The following SLC24A2 variants were observed in gnomAD, a reference collection of about 807,000 sequenced individuals.
SLC24A2 encodes the protein sodium/potassium/calcium exchanger 2.
A neutral mutation model predicts 62.0 loss-of-function variants in SLC24A2; 36 were observed. The observed-to-expected ratio is 0.58, with a 90% CI of 0.44 to 0.77. SLC24A2 has a LOEUF of 0.77. SLC24A2 is among the 30% of genes least tolerant of loss of function. The probability of loss-of-function intolerance (pLI) is 0.00; values close to 1 mark genes in which losing one functional copy is unlikely to be tolerated. For missense variants in SLC24A2, 846 were observed against 817.9 expected (o/e 1.03, Z -0.42); for synonymous variants, 358 against 294.0 (o/e 1.22, Z -2.23).
the SLC24A2 span, among the ~76,000 whole-genome samples, chr9:20,220,960 G>A: frequency 7.8e-4 from 118 of 152,150 alleles, no homozygotes; most frequent in African/African-American, 2.7e-3. Flanking sequence ...TTACAAAAAT[G>A]TGCTGAATTC....
chr9:19,625,837 C>T (rs1818020735), intron 2 of SLC24A2, among the ~76,000 whole-genome samples: 1 of 151,982 alleles, frequency 6.6e-6, no homozygotes, highest in Non-Finnish European at 1.5e-5. Context: ...CAGGTGCCCG[C>T]CACCACGCCC....
the SLC24A2 span, among the ~76,000 whole-genome samples, chr9:20,109,966 T>G: frequency 6.6e-6 from 1 of 152,216 alleles, no homozygotes; most frequent in Non-Finnish European, 1.5e-5. Flanking sequence ...TATGCAGTTA[T>G]TGTCTTCTTT....
chr9:19,703,631 G>T (rs1398882769), intron 2 of SLC24A2, among the ~76,000 whole-genome samples: 1 of 152,184 alleles, frequency 6.6e-6, no homozygotes, highest in African/African-American at 2.4e-5. Flanking sequence ...TAAAACTCTT[G>T]TGTTGAAGGG....
At position 19,786,272 on chromosome 9, in the gene SLC24A2, C is replaced by T. The variant is rs139419786; in HGVS notation, c.595G>A (p.Ala199Thr). The T allele has an allele frequency of 1.7e-4, 277 of 1,614,060 alleles. No homozygotes were observed. Among genetic ancestry groups the T allele is most frequent in the South Asian group, 2.1e-4 (19 of 91,080 alleles). ...LFTSLIGVFI[A>T]HSNVGIGTIV... ...GTGCCTATGCCAACGTTGCTGTGAG[C>T]GATAAATACCCCTATGAGAGATGTG... The change falls in exon 2 of 11, where the codon GCT (alanine) becomes ACT (threonine). Residue 199 changes from alanine (A) to threonine (T), a missense_variant. Transcript: ENST00000341998. This position sits in a 1 kb window ranked among gnomAD's most constrained non-coding sequence, Gnocchi z 5.0.
chr9:19,661,758 C>G (rs746448659), intron 2 of SLC24A2, among the ~76,000 whole-genome samples: 3 of 152,194 alleles, frequency 2.0e-5, no homozygotes, highest in Non-Finnish European at 4.4e-5. Flanking sequence ...TCAAAAATGA[C>G]AGATTAGGGA....
chr9:19,555,924 A>G (rs760066577), intron 7 of SLC24A2, among the ~76,000 whole-genome samples: 3 of 152,162 alleles, frequency 2.0e-5, no homozygotes, highest in Admixed American at 6.6e-5. Flanking sequence ...TAGCCTGGCA[A>G]CACAGACTCC....
chr9:20,051,151 C>T, the SLC24A2 span, among the ~76,000 whole-genome samples: 13 of 151,976 alleles, frequency 8.6e-5, no homozygotes, highest in East Asian at 2.5e-3. Context: ...ACAATGAAAA[C>T]AGGGTATCAT....
At chr9:20,173,897 G>T in the SLC24A2 span, among the ~76,000 whole-genome samples, 2 of 151,722 alleles carry the variant, frequency 1.3e-5, no homozygotes, top group Non-Finnish European at 2.9e-5. Flanking sequence ...GCCCAAGTAA[G>T]AATAAGCAAA....
the SLC24A2 span, among the ~76,000 whole-genome samples, chr9:19,919,815 T>A: frequency 6.6e-6 from 1 of 152,054 alleles, no homozygotes; most frequent in Admixed American, 6.5e-5. Context: ...TCGTATCTCA[T>A]GAAAACTCAC....
intron 5 of SLC24A2, among the ~76,000 whole-genome samples, chr9:19,583,070 C>T (rs1345420278): frequency 2.6e-5 from 4 of 152,122 alleles, no homozygotes; most frequent in African/African-American, 9.7e-5. Flanking sequence ...TCTGCAAAAT[C>T]CTGCAGTGGG....
the SLC24A2 span, among the ~76,000 whole-genome samples, chr9:20,195,666 A>G: frequency 6.6e-5 from 10 of 152,100 alleles, no homozygotes; most frequent in Admixed American, 5.9e-4. Flanking sequence ...CAGCCTGCCT[A>G]TGAGTTTGGC....
chr9:19,767,105 C>T (rs112537404), intron 2 of SLC24A2, among the ~76,000 whole-genome samples: 4 of 152,294 alleles, frequency 2.6e-5, no homozygotes, highest in East Asian at 1.9e-4. Flanking sequence ...AGGGAAAAAA[C>T]GCCTACTGAA....
At chr9:19,933,499 C>T in the SLC24A2 span, among the ~76,000 whole-genome samples, 1 of 152,106 alleles carries the variant, frequency 6.6e-6, no homozygotes, top group Non-Finnish European at 1.5e-5. Flanking sequence ...TTCATCCATT[C>T]AATTCATTCA....
At chr9:19,651,025 C>T (rs1045281179) in intron 2 of SLC24A2, among the ~76,000 whole-genome samples, 2 of 152,018 alleles carry the variant, frequency 1.3e-5, no homozygotes, top group African/African-American at 2.4e-5. Flanking sequence ...AAATAATGTG[C>T]CACCTTATAA....
intron 4 of SLC24A2, among the ~76,000 whole-genome samples, chr9:19,607,210 T>A (rs139668578): frequency 2.6e-5 from 4 of 152,328 alleles, no homozygotes; most frequent in African/African-American, 7.2e-5. Flanking sequence ...AAGTGCTTCT[T>A]CACCTTCAGT....
intron 2 of SLC24A2, among the ~76,000 whole-genome samples, chr9:19,677,961 T>C (rs574842135): frequency 6.6e-6 from 1 of 151,252 alleles, no homozygotes; most frequent in Admixed American, 6.6e-5. Context: ...CAGAGCCAGG[T>C]TCCAGGCATC....
chr9:19,765,040 A>G (rs1198571878), intron 2 of SLC24A2, among the ~76,000 whole-genome samples: 1 of 151,876 alleles, frequency 6.6e-6, no homozygotes, highest in Non-Finnish European at 1.5e-5. Context: ...TCCCTTTACC[A>G]TTATGTAATG....
the SLC24A2 span, among the ~76,000 whole-genome samples, chr9:20,095,354 C>G: frequency 6.6e-6 from 1 of 152,130 alleles, no homozygotes; most frequent in African/African-American, 2.4e-5. Flanking sequence ...CACAGGGTGC[C>G]TAGATATTTG....
chr9:19,806,687 G>T, the SLC24A2 span, among the ~76,000 whole-genome samples: 4 of 152,152 alleles, frequency 2.6e-5, no homozygotes, highest in African/African-American at 7.2e-5. Context: ...AGGGGAGAAG[G>T]TCTAGTCTCT....
Sources: gnomAD v4.1 joint callset for allele counts (sites outside exome capture counted in the v4.1 genomes callset) on GRCh38, gnomAD v4.1.1 for gene constraint, Gnocchi (gnomAD v3.1) non-coding constraint, MANE v1.5 for transcripts, NCBI Gene and HGNC (gene_info 2026-07-23, HGNC 2026-07-21) for gene names.